Variants in GGT7 observed in about 807,000 individuals in gnomAD.
GGT7 encodes the protein gamma-glutamyltransferase 7.
In GGT7, 30 loss-of-function variants were observed where a neutral mutation model predicts 69.2. That is an observed-to-expected ratio of 0.43 (90% confidence interval 0.32 to 0.59). The LOEUF is 0.59. Ranked by LOEUF, GGT7 falls within the 20% of genes least tolerant of loss-of-function variation. GGT7 has a pLI of 0.05. For missense variants in GGT7, 733 were observed against 901.1 expected (o/e 0.81, Z 2.39); for synonymous variants, 388 against 391.8 (o/e 0.99, Z 0.12).
intron 4 of GGT7, 90 bp downstream of exon 4, chr20:34,861,355 G>C: frequency 1.7e-6 from 1 of 585,192 alleles, no homozygotes; most frequent in Non-Finnish European, 3.0e-6. Flanking sequence ...CCACTCCCCT[G>C]GTAAATACTT....
At chr20:34,867,752 A>G (rs2079716351) in intron 1 of GGT7, among the ~76,000 whole-genome samples, 1 of 152,218 alleles carries the variant, frequency 6.6e-6, no homozygotes, top group Admixed American at 6.5e-5. Flanking sequence ...AATAAGTGGC[A>G]GGACCAAGAG....
At chr20:34,846,527 C>T (rs2079309803) in intron 14 of GGT7, among the ~76,000 whole-genome samples, 1 of 150,880 alleles carries the variant, frequency 6.6e-6, no homozygotes, top group Admixed American at 6.6e-5. Flanking sequence ...TCAGGCTGGT[C>T]TCGAACTCCT....
chr20:34,852,669 T>G (rs1402079140), intron 10 of GGT7, 131 bp from the exon 11 acceptor site: 2 of 723,028 alleles, frequency 2.8e-6, no homozygotes, highest in African/African-American at 3.6e-5. Flanking sequence ...GGTCTATGAG[T>G]GCAGAAGCTC....
chr20:34,866,666 A>G (rs553161905), intron 1 of GGT7, among the ~76,000 whole-genome samples: 95 of 151,806 alleles, frequency 6.3e-4, no homozygotes, highest in African/African-American at 2.2e-3. Context: ...TGCAACCTCC[A>G]TCTCCCAGGT....
At chr20:34,855,614 A>C (rs1157893886) in intron 8 of GGT7, among the ~76,000 whole-genome samples, 1 of 152,080 alleles carries the variant, frequency 6.6e-6, no homozygotes, top group Non-Finnish European at 1.5e-5. Context: ...AACTTCCTAC[A>C]TCATCTCATC....
intron 8 of GGT7, among the ~76,000 whole-genome samples, chr20:34,855,789 C>CTGTGTGTGTGTGTGTGTGTGTGTGTG (rs3138662): frequency 1.4e-3 from 200 of 144,130 alleles, no homozygotes; most frequent in East Asian, 4.3e-3. Context: ...TTTTTCTTTT[C>CTGTGTGTGTGTGTGTGTGTGTGTGTG]TGTGTGTGTG....
At chr20:34,850,319 C>A (rs2079368403) in intron 13 of GGT7, 1 of 639,802 alleles carries the variant, frequency 1.6e-6, no homozygotes, top group Non-Finnish European at 2.9e-6. Context: ...ACCACTAGAA[C>A]CAAGTCTCTT....
At chr20:34,870,299 G>A (rs2079758336) in intron 1 of GGT7, among the ~76,000 whole-genome samples, 1 of 152,196 alleles carries the variant, frequency 6.6e-6, no homozygotes, top group Non-Finnish European at 1.5e-5. Flanking sequence ...TCCATACAGG[G>A]GTGAGGGCAG....
At chr20:34,850,727 A>T in intron 13 of GGT7, 1 of 410,020 alleles carries the variant, frequency 2.4e-6, no homozygotes, top group Non-Finnish European at 4.9e-6. Context: ...AATTGGTAGC[A>T]CTTGGGCCGG....
chr20:34,851,232 T>C lies in GGT7; in HGVS notation c.1724A>G (p.Gln575Arg). ...GGCCAACCATGGCGTAAACCTCACC[T>C]GTGTCAGGCCGCTGAGGCCCCGCGC... ...GAARGLSGLT[Q>R]VLLNVLTLNR... Residue 575 changes from glutamine to arginine, a missense_variant and splice_region_variant, in exon 13 of 15, where the codon CAG (glutamine) becomes CGG (arginine). By Grantham distance (43) the Gln-to-Arg change is conservative. Coordinates refer to ENST00000336431, the MANE Select transcript of GGT7 (RefSeq NM_178026.3). The C allele has an allele frequency of 5.0e-6, 8 of 1,613,182 alleles. No individual in the cohort carries two copies. Among genetic ancestry groups the C allele is most frequent in the Non-Finnish European group, 6.8e-6 (8 of 1,179,950 alleles).
intron 14 of GGT7, among the ~76,000 whole-genome samples, chr20:34,847,091 A>G (rs2079315161): frequency 6.6e-6 from 1 of 152,036 alleles, no homozygotes; most frequent in South Asian, 2.1e-4. Flanking sequence ...GTATTTGTTT[A>G]TTTATTTACT....
intron 1 of GGT7, among the ~76,000 whole-genome samples, chr20:34,871,889 T>C (rs1376844298): frequency 6.6e-6 from 1 of 152,180 alleles, no homozygotes; most frequent in African/African-American, 2.4e-5. Flanking sequence ...GAGAGCTCTT[T>C]GCCCCCAGGT....
chr20:34,848,508 C>T (rs2079334724), intron 14 of GGT7, among the ~76,000 whole-genome samples: 1 of 152,228 alleles, frequency 6.6e-6, no homozygotes, highest in Admixed American at 6.5e-5. Context: ...TCACATTCAA[C>T]AGAGACCAGC....
chr20:34,851,134 G>A (rs530271198), intron 13 of GGT7, 97 bp downstream of exon 13: 2 of 1,471,940 alleles, frequency 1.4e-6, no homozygotes, highest in South Asian at 1.1e-5. Context: ...TTTGCCGCAT[G>A]AGGAATGGAA....
rs2079553627 is a variant in GGT7 at position 34,859,648 on chromosome 20, A to G, written c.818-9T>C. On this transcript the variant is annotated splice_polypyrimidine_tract_variant and intron_variant, in intron 6 of 14. Transcript: ENST00000336431. ...TTCAGCCAGGGCACGGGCTAGGGGC[A>G]GGGACGGGAGGCTGGGCAGGGCGGG... is the stretch of plus-strand genomic sequence containing the variant. 2 of 1,577,890 alleles carry G rather than the reference A, an allele frequency of 1.3e-6. No homozygotes were observed. Among genetic ancestry groups the G allele is most frequent in the Non-Finnish European group, 1.7e-6 (2 of 1,159,094 alleles).
intron 14 of GGT7, 144 bp downstream of exon 14, chr20:34,849,817 C>T (rs2079359763): frequency 1.7e-6 from 1 of 576,476 alleles, no homozygotes; most frequent in East Asian, 2.9e-5. Flanking sequence ...ATCCCCAGAT[C>T]GTTCACTGCT....
intron 3 of GGT7, among the ~76,000 whole-genome samples, chr20:34,862,238 C>T (rs6119536): frequency 0.63 from 96,147 of 152,004 alleles, 31,199 homozygotes; most frequent in African/African-American, 0.75. Flanking sequence ...TGTGAGAATG[C>T]GGGCCCAAGT....
At chr20:34,860,371 G>C (rs746735787) in intron 4 of GGT7, 50 bp from the exon 5 acceptor site, 152 of 1,409,476 alleles carry the variant, frequency 1.1e-4, no homozygotes, top group Middle Eastern at 1.8e-4. Flanking sequence ...TCACTGGAAG[G>C]GGGGTGCTGG....
rs1307651315 is a variant in GGT7, at chr20:34,872,390, G to A, written c.169+257C>T. The A allele has an allele frequency of 1.7e-5, 6 of 350,756 alleles. No individual in the cohort carries two copies. In the East Asian group the frequency reaches 2.6e-4, roughly 15 times the overall value. 21.7% of individuals were successfully genotyped at this position (350,756 alleles called of 1,614,324 possible). A position where few individuals can be genotyped will look rare whatever the true frequency, so the allele number is the denominator to read the frequency against. On this transcript the variant is annotated intron_variant, in intron 1 of 14. Transcript: ENST00000336431. ...TTCAACATTCCTTCATCGTTAGTTG[G>A]TTCTTCCCAGAAGGTAAGCCCAATC...
Sources: gnomAD v4.1 joint callset for allele counts (sites outside exome capture counted in the v4.1 genomes callset) on GRCh38, gnomAD v4.1.1 for gene constraint, MANE v1.5 for transcripts, NCBI Gene and HGNC (gene_info 2026-07-23, HGNC 2026-07-21) for gene names.